The following BIN3 variants were observed in gnomAD, a reference collection of about 807,000 sequenced individuals.
BIN3 encodes the protein bridging integrator 3.
BIN3 carries 41 observed loss-of-function variants against 38.2 expected under a neutral mutation model. The ratio of observed to expected loss-of-function variants is 1.07; its 90% confidence interval spans 0.84 to 1.39. The LOEUF is 1.39. Ranked by LOEUF, BIN3 falls within the 40% of genes most tolerant of loss-of-function variation. The probability of loss-of-function intolerance (pLI) is 0.00; values close to 1 mark genes in which losing one functional copy is unlikely to be tolerated. For synonymous variants in BIN3, 145 were observed against 122.6 expected, an observed-to-expected ratio of 1.18 and a Z score of -1.21; for missense variants, 361 against 324.3, an observed-to-expected ratio of 1.11 and a Z score of -0.87.
intron 2 of BIN3, among the ~76,000 whole-genome samples, chr8:22,643,137 C>A (rs1802614812): frequency 6.6e-6 from 1 of 152,206 alleles, no homozygotes; most frequent in Admixed American, 6.5e-5. Context: ...CCTTTCAGAT[C>A]TGTCATGGAT....
intron 2 of BIN3, among the ~76,000 whole-genome samples, chr8:22,641,093 C>T (rs986582994): frequency 2.0e-5 from 3 of 152,186 alleles, no homozygotes; most frequent in African/African-American, 4.8e-5. Context: ...AAGGGACACA[C>T]TGGAGCCTCA....
In BIN3 at chr8:22,644,463, AGAGGTG is replaced by A. The variant is rs952675272; in HGVS notation, c.57+286_57+291del. On this transcript the variant is annotated intron_variant, in intron 2 of 8. Transcript: ENST00000276416. ...AAGTATAGACCACAAGCCAGTCCCT[AGAGGTG>A]GACCGTTCTAAAGCAATATCTTCCT... The A allele has an allele frequency of 1.3e-5, 5 of 388,822 alleles. No homozygotes were observed. The Admixed American group carries it at 1.8e-4, about 14-fold the overall frequency. The allele number at this position is 388,822 out of a possible 1,614,324, so 24.1% of individuals were successfully genotyped here. A position where few individuals can be genotyped will look rare whatever the true frequency, so the allele number is the denominator to read the frequency against.
chr8:22,621,100 C>G lies in BIN3; in HGVS notation c.*322G>C. 3.4e-6 allele frequency: 1 copy of G among 294,884 alleles called. No homozygotes were observed. The highest frequency in any genetic ancestry group is 6.4e-6 in the Non-Finnish European group (1 of 156,992). 18.3% of individuals were successfully genotyped at this position (294,884 alleles called of 1,614,324 possible). A position where few individuals can be genotyped will look rare whatever the true frequency, so the allele number is the denominator to read the frequency against. ...ACGCATGCAAGGCTAAGACCCCCAA[C>G]TTAGCCAACGAAGCCCATGGCCTCA... On this transcript the variant is annotated 3_prime_UTR_variant, in exon 9 of 9. Transcript: ENST00000276416.
chr8:22,625,471 T>C (rs951680806), intron 6 of BIN3: 4 of 700,298 alleles, frequency 5.7e-6, no homozygotes, highest in African/African-American at 5.2e-5. Context: ...AAGCAGTTAC[T>C]GAGACTGGGA....
chr8:22,628,885 C>G (rs968236524), intron 6 of BIN3, among the ~76,000 whole-genome samples: 1 of 152,188 alleles, frequency 6.6e-6, no homozygotes, highest in Non-Finnish European at 1.5e-5. Flanking sequence ...CACCCCAGCT[C>G]CCTACGCAAC....
intron 5 of BIN3, 51 bp from the exon 6 acceptor site, chr8:22,630,055 A>G: frequency 3.9e-6 from 6 of 1,542,032 alleles, no homozygotes; most frequent in Non-Finnish European, 5.3e-6. Context: ...GGGGAGGGCG[A>G]CACGCAAGGC....
chr8:22,642,857 C>T, intron 2 of BIN3, among the ~76,000 whole-genome samples: 1 of 152,168 alleles, frequency 6.6e-6, no homozygotes, highest in East Asian at 1.9e-4. Context: ...GAGCAGATGC[C>T]ATAATCAGAG....
At chr8:22,651,365 G>A (rs1802883827) in intron 1 of BIN3, among the ~76,000 whole-genome samples, 1 of 152,186 alleles carries the variant, frequency 6.6e-6, no homozygotes, top group Admixed American at 6.5e-5. Context: ...ACCTGGACTG[G>A]CTGCCTGCTC....
intron 6 of BIN3, chr8:22,625,121 C>T (rs1023784424): frequency 9.0e-6 from 5 of 554,196 alleles, no homozygotes; most frequent in African/African-American, 3.7e-5. Context: ...GAAGGGACCG[C>T]GTGGGAGACT....
At chr8:22,636,424 C>G (rs1802366643) in intron 4 of BIN3, 101 bp downstream of exon 4, 1 of 1,261,558 alleles carries the variant, frequency 7.9e-7, no homozygotes, top group African/African-American at 1.5e-5. Flanking sequence ...TACACGTCCT[C>G]TGAGCGCAGC....
chr8:22,655,870 AG>A (rs1243720179), intron 1 of BIN3, among the ~76,000 whole-genome samples: 2 of 152,202 alleles, frequency 1.3e-5, no homozygotes, highest in Non-Finnish European at 2.9e-5. Context: ...ACCTTTGAAA[AG>A]TTATTTTATC....
chr8:22,649,769 A>G (rs1317332065), intron 1 of BIN3, among the ~76,000 whole-genome samples: 1 of 151,232 alleles, frequency 6.6e-6, no homozygotes, highest in Admixed American at 6.6e-5. Context: ...ATAGCACCTG[A>G]TCAGTGTTAA....
At chr8:22,640,645 G>A (rs755080767) in intron 2 of BIN3, among the ~76,000 whole-genome samples, 1 of 152,186 alleles carries the variant, frequency 6.6e-6, no homozygotes, top group African/African-American at 2.4e-5. Context: ...CGCTCTTTGG[G>A]AGGGGTGCTG....
chr8:22,624,498 G>T, intron 6 of BIN3, 135 bp from the exon 7 acceptor site: 2 of 1,192,542 alleles, frequency 1.7e-6, no homozygotes, highest in Non-Finnish European at 2.3e-6. Flanking sequence ...GCACTCACTT[G>T]TCCAAAAATG....
intron 1 of BIN3, among the ~76,000 whole-genome samples, chr8:22,666,984 TC>T (rs1333609564): frequency 6.6e-6 from 1 of 152,172 alleles, no homozygotes; most frequent in Non-Finnish European, 1.5e-5. Context: ...AGCCCCGGTC[TC>T]CTTGCCAGCC....
chr8:22,645,438 T>C (rs565112154), intron 1 of BIN3, among the ~76,000 whole-genome samples: 2 of 151,446 alleles, frequency 1.3e-5, no homozygotes, highest in East Asian at 3.9e-4. Context: ...ATTATGATCA[T>C]ACCACTGCAC....
At chr8:22,630,867 G>C (rs140158249) in intron 4 of BIN3, among the ~76,000 whole-genome samples, 1 of 152,154 alleles carries the variant, frequency 6.6e-6, no homozygotes, top group Non-Finnish European at 1.5e-5. Flanking sequence ...TATAAAATAT[G>C]TTTCTGGCTC....
chr8:22,633,261 G>A (rs916525723), intron 4 of BIN3, among the ~76,000 whole-genome samples: 1 of 152,154 alleles, frequency 6.6e-6, no homozygotes, highest in Non-Finnish European at 1.5e-5. Flanking sequence ...CTTGAGCCCA[G>A]GAGTTCGAGA....
intron 1 of BIN3, among the ~76,000 whole-genome samples, chr8:22,647,822 A>C (rs2117565356): frequency 6.6e-6 from 1 of 152,322 alleles, no homozygotes; most frequent in Non-Finnish European, 1.5e-5. Flanking sequence ...TCACATTTAA[A>C]AAGTTTTAAA....
Sources: gnomAD v4.1 joint callset for allele counts (sites outside exome capture counted in the v4.1 genomes callset) on GRCh38, gnomAD v4.1.1 for gene constraint, MANE v1.5 for transcripts, NCBI Gene and HGNC (gene_info 2026-07-23, HGNC 2026-07-21) for gene names.